Variants in LRP2 observed in about 807,000 individuals in gnomAD.
LRP2 encodes low-density lipoprotein receptor-related protein 2.
Under a neutral mutation model 531.0 loss-of-function variants are expected in LRP2, and 172 were observed. That is an observed-to-expected ratio of 0.32 (90% CI 0.29 to 0.37). LRP2 has a LOEUF of 0.37. LRP2 is among the 10% of genes least tolerant of loss of function. The probability of loss-of-function intolerance (pLI) is 1.00; values close to 1 mark genes in which losing one functional copy is unlikely to be tolerated. For missense variants in LRP2, 5,167 were observed against 5,868.3 expected (o/e 0.88, Z 3.90); for synonymous variants, 1,992 against 2,027.6 (o/e 0.98, Z 0.47).
intron 65 of LRP2, among the ~76,000 whole-genome samples, chr2:169,155,631 T>C (rs1240548576): frequency 2.6e-5 from 4 of 152,228 alleles, no homozygotes; most frequent in Non-Finnish European, 2.9e-5. Flanking sequence ...ATGATTTAGA[T>C]CAGGCCTCTG....
chr2:169,200,077 C>T (rs1033265113), intron 44 of LRP2, among the ~76,000 whole-genome samples: 48 of 152,122 alleles, frequency 3.2e-4, no homozygotes, highest in African/African-American at 1.1e-3. Context: ...GGTGAAACCT[C>T]GTCTCTACTA....
intron 62 of LRP2, 37 bp from the exon 63 acceptor site, chr2:169,162,637 C>A: frequency 1.2e-6 from 2 of 1,610,880 alleles, no homozygotes; most frequent in Non-Finnish European, 1.7e-6. Context: ...AAAACTTTTT[C>A]TTTTATGAAG....
intron 19 of LRP2, 148 bp from the exon 20 acceptor site, chr2:169,247,663 T>C (rs1690064504): frequency 6.9e-6 from 6 of 865,482 alleles, no homozygotes; most frequent in Non-Finnish European, 1.1e-5. Flanking sequence ...CTAACCATTT[T>C]CCACGACTTG....
intron 4 of LRP2, among the ~76,000 whole-genome samples, chr2:169,297,920 T>G (rs1409200604): frequency 6.6e-6 from 1 of 151,874 alleles, no homozygotes; most frequent in Non-Finnish European, 1.5e-5. Context: ...AAACCATTAT[T>G]ATGAAGAAGG....
At chr2:169,327,737 C>A (rs1311704577) in intron 1 of LRP2, among the ~76,000 whole-genome samples, 4 of 131,566 alleles carry the variant, frequency 3.0e-5, no homozygotes, top group African/African-American at 5.8e-5. Context: ...CGGCCAGCCG[C>A]CCCGTCCGGG....
intron 25 of LRP2, among the ~76,000 whole-genome samples, chr2:169,240,516 T>C (rs991406546): frequency 6.6e-6 from 1 of 152,220 alleles, no homozygotes; most frequent in Non-Finnish European, 1.5e-5. Flanking sequence ...TGGCTGGGGT[T>C]CATCTGAGAG....
intron 46 of LRP2, among the ~76,000 whole-genome samples, chr2:169,195,539 T>G (rs1442036226): frequency 6.6e-6 from 1 of 152,190 alleles, no homozygotes; most frequent in Non-Finnish European, 1.5e-5. Context: ...TGAGGATATA[T>G]TCATATATAG....
chr2:169,291,517 T>C (rs563419354), intron 7 of LRP2, among the ~76,000 whole-genome samples: 1 of 152,312 alleles, frequency 6.6e-6, no homozygotes, highest in African/African-American at 2.4e-5. Context: ...ATACCTGGGA[T>C]TGGAATGGTG....
chr2:169,263,540 A>T lies in LRP2; in HGVS notation c.2321-4323T>A, dbSNP rs528595629. On this transcript the variant is annotated intron_variant, in intron 16 of 78. Transcript: ENST00000649046. ...TCAGAGAAATGCAAATCAAAACCAC[A>T]ATGAGATACCATTTCACACCAGTTA... Among the ~76,000 whole-genome samples, 8 of 150,674 alleles carry T rather than the reference A, an allele frequency of 5.3e-5. No individual in the cohort carries two copies. The East Asian group carries it at 9.7e-4, about 18-fold the overall frequency.
At chr2:169,323,092 T>TA (rs1213132746) in intron 1 of LRP2, among the ~76,000 whole-genome samples, 2 of 152,156 alleles carry the variant, frequency 1.3e-5, no homozygotes, top group African/African-American at 4.8e-5. Flanking sequence ...GTCAATTATT[T>TA]AAAATCACAC....
chr2:169,187,799 TC>T (rs1677303888), intron 49 of LRP2, among the ~76,000 whole-genome samples, 170 bp downstream of exon 49: 1 of 152,218 alleles, frequency 6.6e-6, no homozygotes, highest in South Asian at 2.1e-4. Context: ...AAAATGTGTG[TC>T]CCCATCTTAT....
chr2:169,315,511 C>T (rs1002191281), intron 3 of LRP2, among the ~76,000 whole-genome samples: 7 of 152,098 alleles, frequency 4.6e-5, no homozygotes, highest in South Asian at 2.1e-4. Context: ...CCAGCTTGCA[C>T]GGAGACAAAA....
Position 169,127,436 on chromosome 2 carries a change from C to G in LRP2, c.*1227G>C, listed in dbSNP as rs144872593. 1 of 151,772 alleles carries G rather than the reference C, an allele frequency of 6.6e-6. No homozygotes were observed. Among genetic ancestry groups the G allele is most frequent in the African/African-American group, 2.4e-5 (1 of 41,144 alleles). 9.4% of individuals were successfully genotyped at this position (151,772 alleles called of 1,614,324 possible). On this transcript the variant is annotated 3_prime_UTR_variant, in exon 79 of 79. Coordinates refer to ENST00000649046, the MANE Select transcript of LRP2 (RefSeq NM_004525.3). ...GCTGGAAGCCAGGCACAGTGGCTCACGCCCGTAACCCCAACCACTCAGGAG... is the reference window on the plus strand; with the variant it reads ...GCTGGAAGCCAGGCACAGTGGCTCAGGCCCGTAACCCCAACCACTCAGGAG...
At chr2:169,266,455 T>C (rs1690804560) in intron 16 of LRP2, among the ~76,000 whole-genome samples, 1 of 152,064 alleles carries the variant, frequency 6.6e-6, no homozygotes, top group Non-Finnish European at 1.5e-5. Flanking sequence ...ATTTACTATT[T>C]TCTAGCCATT....
chr2:169,308,293 A>G (rs1684483577), intron 3 of LRP2, among the ~76,000 whole-genome samples: 1 of 152,024 alleles, frequency 6.6e-6, no homozygotes. Context: ...TTACATATGT[A>G]TACATCTGCC....
chr2:169,235,210 C>T (rs1034663017), intron 29 of LRP2, among the ~76,000 whole-genome samples: 1 of 149,384 alleles, frequency 6.7e-6, no homozygotes, highest in African/African-American at 2.5e-5. Context: ...ATGTGCCTGG[C>T]CAAGTTAAGT....
intron 3 of LRP2, among the ~76,000 whole-genome samples, chr2:169,315,863 C>T (rs929878123): frequency 3.3e-5 from 5 of 150,284 alleles, no homozygotes; most frequent in Non-Finnish European, 1.5e-5. Flanking sequence ...GTGGCTCACA[C>T]CTATCATCCC....
intron 45 of LRP2, 131 bp downstream of exon 45, chr2:169,198,655 C>A: frequency 9.5e-7 from 1 of 1,048,634 alleles, no homozygotes; most frequent in Non-Finnish European, 1.4e-6. Context: ...AACTGCCTAC[C>A]ACCTCTACTT....
chr2:169,140,189 T>C (rs1574064995), intron 72 of LRP2, among the ~76,000 whole-genome samples: 1 of 152,216 alleles, frequency 6.6e-6, no homozygotes, highest in Non-Finnish European at 1.5e-5. Flanking sequence ...CCCTGTGGCC[T>C]ACCTAGAGCT....
Sources: allele counts gnomAD v4.1 joint callset (sites outside exome capture counted in the v4.1 genomes callset), GRCh38; gene constraint gnomAD v4.1.1; transcripts MANE v1.5; gene names NCBI Gene and HGNC (gene_info 2026-07-23, HGNC 2026-07-21).